FER: variants seen among roughly 807,000 people sequenced by gnomAD.
FER encodes the protein tyrosine-protein kinase Fer.
In FER, 63 loss-of-function variants were observed where a neutral mutation model predicts 111.0. That is an observed-to-expected ratio of 0.57 (90% CI 0.46 to 0.70). The LOEUF (loss-of-function observed/expected upper bound fraction) is 0.70, where lower values mean the gene tolerates loss of function less well. FER is among the 30% of genes least tolerant of loss of function. The pLI, the probability that FER is intolerant of heterozygous loss-of-function variation, is 0.00. For missense variants in FER, 914 were observed against 954.0 expected (o/e 0.96, Z 0.55); for synonymous variants, 327 against 313.9 (o/e 1.04, Z -0.44).
rs552501317 is a variant in FER, at chr5:108,823,114, C to G, written c.208-9656C>G. Among the ~76,000 whole-genome samples the G allele has an allele frequency of 6.0e-4, 91 of 152,270 alleles. 1 individual carries two copies. Among genetic ancestry groups the G allele is most frequent in the African/African-American group, 1.9e-3 (81 of 41,550 alleles). On this transcript the variant is annotated intron_variant, in intron 3 of 19. Transcript: ENST00000281092. Reference sequence around the variant, plus strand: ...ACTTCTGACCTTAAGTGATCTGCCCCCCTTGGCCTCCCAAAGTCCTGGGAT... The same window carrying G: ...ACTTCTGACCTTAAGTGATCTGCCCGCCTTGGCCTCCCAAAGTCCTGGGAT...
intron 16 of FER, among the ~76,000 whole-genome samples, chr5:109,080,979 G>A (rs1369076002): frequency 1.3e-5 from 2 of 152,066 alleles, no homozygotes; most frequent in Non-Finnish European, 2.9e-5. Flanking sequence ...CATGCAAAGT[G>A]TTCAAAGTAG....
chr5:109,153,616 A>T (rs1249416132), intron 17 of FER, among the ~76,000 whole-genome samples: 3 of 151,916 alleles, frequency 2.0e-5, no homozygotes, highest in Non-Finnish European at 4.4e-5. Flanking sequence ...TGCATAACAC[A>T]GTAGTTATCA....
At chr5:108,838,695 A>T (rs544769398) in intron 5 of FER, among the ~76,000 whole-genome samples, 1 of 152,356 alleles carries the variant, frequency 6.6e-6, no homozygotes, top group African/African-American at 2.4e-5. Context: ...ATAATGTAAA[A>T]TGTAACATTC....
chr5:108,816,776 C>G (rs566722725), intron 3 of FER, among the ~76,000 whole-genome samples: 1 of 151,974 alleles, frequency 6.6e-6, no homozygotes, highest in Admixed American at 6.6e-5. Context: ...GAATCTATGG[C>G]CTTAGAGCCA....
rs1759664714 is a variant in FER at position 109,195,324 on chromosome 5, C to G, written c.*7749C>G. On this transcript the variant is annotated 3_prime_UTR_variant, in exon 20 of 20. Coordinates refer to ENST00000281092, the MANE Select transcript of FER (RefSeq NM_005246.4). The stretch of plus-strand genomic sequence containing the variant: ...TGAATTGCTTTGCTTCAGTAACAAT[C>G]AGAAGACCAGTCCAACAGAAAATAA... The G allele has an allele frequency of 6.6e-6, 1 of 152,192 alleles. No homozygotes were observed. The highest frequency in any genetic ancestry group is 1.5e-5 in the Non-Finnish European group (1 of 68,046). The allele number at this position is 152,192 out of a possible 1,614,324, so 9.4% of individuals were successfully genotyped here.
At chr5:108,890,504 T>C (rs1330873726) in intron 9 of FER, among the ~76,000 whole-genome samples, 1 of 152,014 alleles carries the variant, frequency 6.6e-6, no homozygotes. Context: ...TGACATTTCT[T>C]GGTTTGTAGA....
chr5:108,857,705 G>C (rs1561522215), intron 5 of FER, among the ~76,000 whole-genome samples: 2 of 151,914 alleles, frequency 1.3e-5, no homozygotes, highest in Non-Finnish European at 2.9e-5. Context: ...ATAAGGAAGG[G>C]CTTTCCCCTC....
At chr5:109,015,770 T>C (rs1441298060) in intron 13 of FER, among the ~76,000 whole-genome samples, 6 of 152,200 alleles carry the variant, frequency 3.9e-5, no homozygotes, top group African/African-American at 1.2e-4. Context: ...AAATTAAGCC[T>C]TTTTTCAACT....
chr5:109,067,924 G>C (rs2149985198), intron 16 of FER, among the ~76,000 whole-genome samples: 1 of 152,166 alleles, frequency 6.6e-6, no homozygotes, highest in East Asian at 1.9e-4. Context: ...ATAAAAGCAG[G>C]TATGTATAGG....
chr5:108,867,901 C>A lies in FER; in HGVS notation c.616C>A (p.Leu206Met), dbSNP rs541879675. 2.5e-6 allele frequency: 4 copies of A among 1,613,126 alleles called. No homozygotes were observed. The African/African-American group carries it at 5.3e-5, about 22-fold the overall frequency. Reference protein sequence around the residue: ...QNQYYDITLPLLLDSLQKMQE... With the variant: ...QNQYYDITLPMLLDSLQKMQE... Reference sequence around the variant, plus strand: ...TCAGTATTATGATATCACACTTCCCCTGCTTCTGGACTCCTTACAAAAGAT... The same window carrying A: ...TCAGTATTATGATATCACACTTCCCATGCTTCTGGACTCCTTACAAAAGAT... The change falls in exon 6 of 20, where the codon CTG becomes ATG. Residue 206 changes from leucine to methionine, a missense_variant. Around this residue, in one of 3 missense-constraint regions of FER, gnomAD observed 774 missense variants for 782.6 expected, o/e 0.99. Coordinates refer to ENST00000281092, the MANE Select transcript of FER (RefSeq NM_005246.4).
At chr5:108,877,940 C>G (rs954873711) in intron 8 of FER, among the ~76,000 whole-genome samples, 4 of 151,842 alleles carry the variant, frequency 2.6e-5, no homozygotes, top group Non-Finnish European at 5.9e-5. Context: ...GAGTCTTGCT[C>G]TGTTGCCCAG....
intron 5 of FER, among the ~76,000 whole-genome samples, chr5:108,862,061 C>T (rs558025429): frequency 4.1e-4 from 62 of 152,238 alleles, no homozygotes; most frequent in Admixed American, 2.4e-3. Context: ...GAGTACTCCT[C>T]CCCAAAATCT....
intron 9 of FER, among the ~76,000 whole-genome samples, chr5:108,883,740 T>C (rs1009773557): frequency 1.3e-5 from 2 of 151,984 alleles, no homozygotes; most frequent in Non-Finnish European, 2.9e-5. Context: ...TTTGTAAATA[T>C]AGCATTCTGA....
intron 10 of FER, among the ~76,000 whole-genome samples, chr5:108,913,450 A>G (rs1751838250): frequency 6.6e-6 from 1 of 152,216 alleles, no homozygotes; most frequent in Admixed American, 6.5e-5. Context: ...GAAAGGATGC[A>G]GAGTGATAGT....
chr5:108,948,400 A>G (rs1450905094), intron 11 of FER, among the ~76,000 whole-genome samples: 3 of 152,216 alleles, frequency 2.0e-5, no homozygotes, highest in African/African-American at 4.8e-5. Flanking sequence ...TTAATATGTT[A>G]TATCAGCTAC....
intron 8 of FER, among the ~76,000 whole-genome samples, chr5:108,876,533 AAAG>A (rs1765109357): frequency 6.6e-6 from 1 of 152,192 alleles, no homozygotes; most frequent in African/African-American, 2.4e-5. Context: ...TATAGTGTCA[AAAG>A]AAGAAGAGAA....
Position 109,190,295 on chromosome 5 carries a change from A to C in FER, c.*2720A>C, listed in dbSNP as rs1228423641. On this transcript the variant is annotated 3_prime_UTR_variant, in exon 20 of 20. Transcript: ENST00000281092. ...TTTAGTAAGAAAAGAGTTGTAACCA[A>C]AATTTCTTCTGGTCCGGATGTAATT... The C allele has an allele frequency of 1.3e-5, 2 of 152,124 alleles. No individual in the cohort carries two copies. The highest frequency in any genetic ancestry group is 4.1e-4 in the South Asian group (2 of 4,824). The allele number at this position is 152,124 out of a possible 1,614,324, so 9.4% of individuals were successfully genotyped here. A position where few individuals can be genotyped will look rare whatever the true frequency, so the allele number is the denominator to read the frequency against.
intron 16 of FER, among the ~76,000 whole-genome samples, chr5:109,064,666 C>T (rs1021048031): frequency 2.0e-5 from 3 of 152,080 alleles, no homozygotes; most frequent in Admixed American, 6.6e-5. Flanking sequence ...GCATTTATAC[C>T]TATGAGTAAG....
chr5:109,187,239 C>G (rs4957800), intron 19 of FER, among the ~76,000 whole-genome samples, 194 bp from the exon 20 acceptor site: 99,454 of 151,960 alleles, frequency 0.65, 32,708 homozygotes, highest in Middle Eastern at 0.74. Flanking sequence ...TGAATTAGAA[C>G]TCTAAGACTC....
Sources: gnomAD v4.1 joint callset for allele counts (sites outside exome capture counted in the v4.1 genomes callset) on GRCh38, gnomAD v4.1.1 for gene constraint, gnomAD v4.1.1 regional missense constraint, MANE v1.5 for transcripts, NCBI Gene and HGNC (gene_info 2026-07-23, HGNC 2026-07-21) for gene names.